The following CNOT1 variants were observed in gnomAD, a reference collection of about 807,000 sequenced individuals.
The protein encoded by CNOT1 is CCR4-NOT transcription complex subunit 1.
In CNOT1, 15 loss-of-function variants were observed where a neutral mutation model predicts 273.8. That is an observed-to-expected ratio of 0.05 (90% CI 0.04 to 0.08). The LOEUF (loss-of-function observed/expected upper bound fraction) is 0.08, where lower values mean the gene tolerates loss of function less well. Among genes scored for constraint, CNOT1 ranks in the 10% least tolerant of loss-of-function variants. The pLI, the probability that CNOT1 is intolerant of heterozygous loss-of-function variation, is 1.00. For synonymous variants in CNOT1, 1,022 were observed against 1,005.5 expected, an observed-to-expected ratio of 1.02 and a Z score of -0.31; for missense variants, 1,644 against 2,912.2, an observed-to-expected ratio of 0.56 and a Z score of 10.02.
At chr16:58,543,529 T>C (rs1202611089) in intron 31 of CNOT1, 78 bp downstream of exon 31, 3 of 1,606,636 alleles carry the variant, frequency 1.9e-6, no homozygotes, top group Non-Finnish European at 2.5e-6. Flanking sequence ...CCCAGTGCCA[T>C]ATATAGACAA....
At position 58,547,710 on chromosome 16, in the gene CNOT1, A is replaced by G. The variant is rs769611207; in HGVS notation, c.3523-28T>C. The G allele has an allele frequency of 3.8e-6, 6 of 1,599,084 alleles. No homozygotes were observed. Among genetic ancestry groups the G allele is most frequent in the African/African-American group, 2.7e-5 (2 of 74,358 alleles). On this transcript the variant is annotated intron_variant, in intron 25 of 48. Transcript: ENST00000317147. The surrounding 1 kb of genome is among the most constrained non-coding windows in gnomAD (Gnocchi z 4.0). ...GAAATAGTGTAAGATTAAGAAAGAT[A>G]TGAGAATAAGCTTATGAAAGAAAAC...
In CNOT1 at chr16:58,572,907, C is replaced by CAAAAA. The variant is rs1316404648; in HGVS notation, c.1979+1697_1979+1701dup. Among the ~76,000 whole-genome samples, 22 of 67,240 alleles carry CAAAAA rather than the reference C, an allele frequency of 3.3e-4. No homozygotes were observed. The East Asian group carries it at 6.8e-3, about 21-fold the overall frequency. 44.1% of individuals were successfully genotyped at this position (67,240 alleles called of 152,430 possible). On this transcript the variant is annotated intron_variant, in intron 16 of 48. Transcript: ENST00000317147. ...TGGGCAATAGAGCAAGACTCTGTCTCAAAAAAAAAAAAAGAAAAAAAAATT... is the reference window on the plus strand; with the variant it reads ...TGGGCAATAGAGCAAGACTCTGTCTCAAAAAAAAAAAAAAAAAAGAAAAAAAAATT...
chr16:58,536,093 T>C (rs1395536529), intron 39 of CNOT1, among the ~76,000 whole-genome samples: 1 of 152,206 alleles, frequency 6.6e-6, no homozygotes, highest in Non-Finnish European at 1.5e-5. Context: ...CCACATTCAA[T>C]TGTCATTAAT....
intron 48 of CNOT1, 72 bp from the exon 49 acceptor site, chr16:58,521,108 T>A: frequency 6.2e-7 from 1 of 1,613,474 alleles, no homozygotes; most frequent in Non-Finnish European, 8.5e-7. Flanking sequence ...CTCATTCAGC[T>A]GACCCAACCT....
At position 58,599,604 on chromosome 16, in the gene CNOT1, G is replaced by T; in HGVS notation, c.-174-93C>A. On this transcript the variant is annotated intron_variant, in intron 1 of 48. Coordinates refer to ENST00000317147, the MANE Select transcript of CNOT1 (RefSeq NM_016284.5). ...GGCGCAGTGGTGTTTACAACTAATTGATCACAACTAGTTGCAAATTAATAA... is the reference window on the plus strand; with the variant it reads ...GGCGCAGTGGTGTTTACAACTAATTTATCACAACTAGTTGCAAATTAATAA... The T allele has an allele frequency of 6.3e-6, 3 of 479,158 alleles. No homozygotes were observed. In the South Asian group the frequency reaches 1.6e-4, roughly 25 times the overall value. 29.7% of individuals were successfully genotyped at this position (479,158 alleles called of 1,614,324 possible).
chr16:58,560,933 G>A (rs2040816723), intron 16 of CNOT1, among the ~76,000 whole-genome samples: 1 of 152,180 alleles, frequency 6.6e-6, no homozygotes, highest in South Asian at 2.1e-4. Flanking sequence ...GCTGAGGCAG[G>A]AGAATCACTC....
chr16:58,522,180 G>C (rs1040244821), intron 47 of CNOT1, among the ~76,000 whole-genome samples: 3 of 144,236 alleles, frequency 2.1e-5, no homozygotes, highest in Non-Finnish European at 3.0e-5. Context: ...TTAGCCGGAC[G>C]TGGTGGCAGG....
At chr16:58,551,998 T>C (rs753866006) in intron 22 of CNOT1, among the ~76,000 whole-genome samples, 179 bp from the exon 23 acceptor site, 57 of 152,294 alleles carry the variant, frequency 3.7e-4, no homozygotes, top group Non-Finnish European at 3.7e-4. Flanking sequence ...ACTTCAGCGA[T>C]AAAATCTTAG....
intron 1 of CNOT1, among the ~76,000 whole-genome samples, chr16:58,629,007 C>G (rs540610915): frequency 1.3e-5 from 2 of 152,360 alleles, no homozygotes; most frequent in Non-Finnish European, 1.5e-5. Context: ...CCTGGGTGAG[C>G]AGGACCGCCA....
At chr16:58,612,299 A>C (rs183946950) in intron 1 of CNOT1, among the ~76,000 whole-genome samples, 4 of 152,336 alleles carry the variant, frequency 2.6e-5, no homozygotes, top group African/African-American at 9.6e-5. Context: ...TACTAAAAAA[A>C]TACTAAATAC....
At chr16:58,570,999 C>A (rs2041251964) in intron 16 of CNOT1, among the ~76,000 whole-genome samples, 1 of 152,034 alleles carries the variant, frequency 6.6e-6, no homozygotes, top group Non-Finnish European at 1.5e-5. Context: ...GCAAGACAGG[C>A]AGAATGTAGT....
At chr16:58,583,232 G>C in intron 8 of CNOT1, 50 bp from the exon 9 acceptor site, 1 of 1,594,928 alleles carries the variant, frequency 6.3e-7, no homozygotes, top group Non-Finnish European at 8.5e-7. Context: ...TCAACACCGA[G>C]ATTGAGAAAT....
chr16:58,556,854 C>G lies in CNOT1; in HGVS notation c.2472G>C (p.Met824Ile). The change falls in exon 19 of 49, where the codon ATG (methionine) becomes ATC (isoleucine). Residue 824 changes from methionine (M) to isoleucine (I), a missense_variant. Transcript: ENST00000317147. ...GACAACACTACCACTTACAAGGTTT[C>G]ATCTTACTCTGCTGGAATGTAGGCT... is the stretch of plus-strand genomic sequence containing the variant. ...LNQPTFQQSK[M>I]KPSDLSQVWP... 1 of 1,612,940 alleles carries G rather than the reference C, an allele frequency of 6.2e-7. No homozygotes were observed. Among genetic ancestry groups the G allele is most frequent in the Non-Finnish European group, 8.5e-7 (1 of 1,179,658 alleles).
At chr16:58,588,715 C>T (rs145664624) in intron 3 of CNOT1, 84 bp downstream of exon 3, 5 of 1,493,424 alleles carry the variant, frequency 3.3e-6, no homozygotes, top group East Asian at 4.8e-5. Context: ...CTATTTTGTA[C>T]GTGTCATATG....
intron 38 of CNOT1, 114 bp from the exon 39 acceptor site, chr16:58,537,334 G>T (rs998157877): frequency 1.2e-5 from 17 of 1,419,732 alleles, no homozygotes; most frequent in Non-Finnish European, 1.6e-5. Flanking sequence ...TTACCACTTC[G>T]CTTTACCACT....
At chr16:58,526,739 C>T (rs1443831609) in intron 44 of CNOT1, among the ~76,000 whole-genome samples, 1 of 150,522 alleles carries the variant, frequency 6.6e-6, no homozygotes, top group African/African-American at 2.5e-5. Flanking sequence ...TCGCCTGAAC[C>T]CAGGAGGCAG....
intron 18 of CNOT1, 116 bp downstream of exon 18, chr16:58,558,357 C>T (rs971701937): frequency 6.6e-7 from 1 of 1,518,264 alleles, no homozygotes. Context: ...GTAGCTTTCA[C>T]AATTTCATTT....
At chr16:58,629,499 C>A (rs2043739665) in intron 1 of CNOT1, among the ~76,000 whole-genome samples, 1 of 152,288 alleles carries the variant, frequency 6.6e-6, no homozygotes, top group South Asian at 2.1e-4. Flanking sequence ...GGAGCCTTCT[C>A]GCTGGCCTCT....
chr16:58,534,071 A>T, intron 40 of CNOT1, 76 bp downstream of exon 40: 2 of 1,255,172 alleles, frequency 1.6e-6, no homozygotes, highest in African/African-American at 1.6e-5. Flanking sequence ...ACAATATAAA[A>T]AATAATAATA....
Sources: gnomAD v4.1 joint callset for allele counts (sites outside exome capture counted in the v4.1 genomes callset) on GRCh38, gnomAD v4.1.1 for gene constraint, Gnocchi (gnomAD v3.1) non-coding constraint, MANE v1.5 for transcripts, NCBI Gene and HGNC (gene_info 2026-07-23, HGNC 2026-07-21) for gene names.